The following NEB variants were observed in gnomAD, a reference collection of about 807,000 sequenced individuals.
NEB encodes nebulin, also known as nemaline myopathy type 2.
In NEB, 512 loss-of-function variants were observed where a neutral mutation model predicts 952.2. The ratio of observed to expected loss-of-function variants is 0.54; its 90% CI spans 0.50 to 0.58. NEB has a LOEUF of 0.58. Among genes scored for constraint, NEB ranks in the 20% least tolerant of loss-of-function variants. The probability of loss-of-function intolerance (pLI) is 0.00; values close to 1 mark genes in which losing one functional copy is unlikely to be tolerated. For missense variants in NEB, 8,428 were observed against 9,231.1 expected (o/e 0.91, Z 3.56); for synonymous variants, 2,900 against 3,149.8 (o/e 0.92, Z 2.66).
chr2:151,523,186 G>A (rs1211177070), intron 153 of NEB, among the ~76,000 whole-genome samples: 1 of 151,640 alleles, frequency 6.6e-6, no homozygotes, highest in African/African-American at 2.4e-5. Context: ...TTTTTTTGTT[G>A]GTGGTGGTGA....
chr2:151,591,695 T>C (rs1277727323), intron 95 of NEB, among the ~76,000 whole-genome samples: 2 of 152,288 alleles, frequency 1.3e-5, no homozygotes, highest in Non-Finnish European at 2.9e-5. Flanking sequence ...TAATAAATCA[T>C]GTAAAAATCA....
At chr2:151,516,215 T>C (rs1328454227) in intron 157 of NEB, among the ~76,000 whole-genome samples, 1 of 152,224 alleles carries the variant, frequency 6.6e-6, no homozygotes, top group Admixed American at 6.5e-5. Flanking sequence ...TAGTTTTCCA[T>C]GTTCTAATTT....
chr2:151,609,147 T>TC (rs2097826517), intron 81 of NEB, among the ~76,000 whole-genome samples: 3 of 151,646 alleles, frequency 2.0e-5, no homozygotes, highest in South Asian at 2.1e-4. Context: ...TGGAGTGCAA[T>TC]TGGAGATTGC....
intron 36 of NEB, 71 bp from the exon 37 acceptor site, chr2:151,672,751 A>G: frequency 7.5e-7 from 1 of 1,331,032 alleles, no homozygotes; most frequent in Non-Finnish European, 1.0e-6. Flanking sequence ...ACATTCACAT[A>G]TAAAGACACT....
At chr2:151,538,499 G>A (rs1478719327) in intron 138 of NEB, among the ~76,000 whole-genome samples, 1 of 152,178 alleles carries the variant, frequency 6.6e-6, no homozygotes, top group Non-Finnish European at 1.5e-5. Flanking sequence ...CTACGATGGT[G>A]ATACAGGTGT....
At chr2:151,671,529 A>C in intron 37 of NEB, 1 of 320,894 alleles carries the variant, frequency 3.1e-6, no homozygotes, top group South Asian at 5.8e-5. Context: ...ATCTTAAAGC[A>C]TTTTTTTTCA....
intron 135 of NEB, 98 bp from the exon 136 acceptor site, chr2:151,541,649 C>A: frequency 2.3e-6 from 2 of 877,420 alleles, no homozygotes; most frequent in Admixed American, 2.0e-5. Context: ...AAGGCAGGAG[C>A]CCTCCCACTG....
At chr2:151,514,751 C>T in intron 158 of NEB, 67 bp downstream of exon 158, 1 of 1,144,212 alleles carries the variant, frequency 8.7e-7, no homozygotes, top group Admixed American at 2.2e-5. Context: ...AGGAGGAACA[C>T]ATTAATGAGT....
At position 151,537,120 on chromosome 2, in the gene NEB, G is replaced by A; in HGVS notation, c.21207+12C>T. On this transcript the variant is annotated intron_variant, in intron 141 of 181. Transcript: ENST00000397345. ...CGAATGGATGAGGCCAATTCTCCTT[G>A]AGTATATATACCTTGCTGTAGAGAG... is the stretch of plus-strand genomic sequence containing the variant. 2 of 1,544,330 alleles carry A rather than the reference G, an allele frequency of 1.3e-6. No homozygotes were observed. The highest frequency in any genetic ancestry group is 8.9e-7 in the Non-Finnish European group (1 of 1,118,346).
rs2099105273 is a variant in NEB at position 151,658,013 on chromosome 2, A to G, written c.6153T>C (p.Ala2051=). 1 of 1,610,410 alleles carries G rather than the reference A, an allele frequency of 6.2e-7. No individual in the cohort carries two copies. The highest frequency in any genetic ancestry group is 1.1e-5 in the South Asian group (1 of 90,478). The change falls in exon 48 of 182, where the codon GCT becomes GCC. Residue 2051 remains alanine (A), a synonymous_variant. Transcript: ENST00000397345. ...DLRPDAIPIK[A]AKASRDIASD... is the part of the protein sequence containing the mutation. ...TTGCAATATCTCTGGAAGCCTTGGC[A>G]GCTTTGATAGGAATTGCATCAGGTC... is the stretch of plus-strand genomic sequence containing the variant.
intron 38 of NEB, among the ~76,000 whole-genome samples, chr2:151,670,565 A>G (rs1387413353): frequency 1.1e-4 from 17 of 152,332 alleles, no homozygotes; most frequent in Admixed American, 1.1e-3. Context: ...TAAACTGCTT[A>G]TCTCCTCCCT....
At chr2:151,490,589 T>A in intron 179 of NEB, 71 bp from the exon 180 acceptor site, 1 of 1,522,754 alleles carries the variant, frequency 6.6e-7, no homozygotes, top group Middle Eastern at 1.7e-4. Context: ...TAACAGTGAT[T>A]GAATCTCAGT....
At chr2:151,581,698 AT>A in intron 102 of NEB, 111 bp from the exon 103 acceptor site, 2 of 1,234,194 alleles carry the variant, frequency 1.6e-6, no homozygotes, top group Non-Finnish European at 2.2e-6. Context: ...GATGAAAAAA[AT>A]TTTAAGTGAA....
intron 73 of NEB, among the ~76,000 whole-genome samples, 169 bp downstream of exon 73, chr2:151,619,282 G>A (rs1470860858): frequency 1.3e-5 from 2 of 152,120 alleles, no homozygotes; most frequent in Admixed American, 1.3e-4. Context: ...GAGAACTTTT[G>A]GAGAAGAAAA....
chr2:151,525,899 C>T (rs1263705588), intron 150 of NEB, 59 bp downstream of exon 150: 1 of 1,326,548 alleles, frequency 7.5e-7, no homozygotes, highest in East Asian at 2.3e-5. Context: ...CATTATTTCA[C>T]CAGATTCTAC....
At chr2:151,617,970 G>T (rs900454449) in intron 74 of NEB, among the ~76,000 whole-genome samples, 2 of 152,158 alleles carry the variant, frequency 1.3e-5, no homozygotes, top group Non-Finnish European at 2.9e-5. Flanking sequence ...TGAGGCAAGA[G>T]AATTGCTTGA....
intron 34 of NEB, 22 bp from the exon 35 acceptor site, chr2:151,675,413 A>T: frequency 1.4e-6 from 2 of 1,463,322 alleles, no homozygotes; most frequent in Admixed American, 2.0e-5. Flanking sequence ...TGCATTTCAC[A>T]TAGTGCAAAA....
chr2:151,507,717 C>T, intron 162 of NEB: 2 of 344,360 alleles, frequency 5.8e-6, no homozygotes, highest in Non-Finnish European at 1.1e-5. Context: ...GTTAATCTGT[C>T]TTTTGTTACA....
chr2:151,604,197 C>T (rs2097594540), intron 85 of NEB, among the ~76,000 whole-genome samples: 1 of 119,522 alleles, frequency 8.4e-6, no homozygotes, highest in African/African-American at 4.1e-5. Context: ...ACCCTGCCCC[C>T]CATCTCTCTC....
Sources: allele counts gnomAD v4.1 joint callset (sites outside exome capture counted in the v4.1 genomes callset), GRCh38; gene constraint gnomAD v4.1.1; transcripts MANE v1.5; gene names NCBI Gene and HGNC (gene_info 2026-07-23, HGNC 2026-07-21).